The following ANKRD6 variants were observed in gnomAD, a reference collection of about 807,000 sequenced individuals.
ANKRD6 encodes the protein ankyrin repeat domain 6.
A neutral mutation model predicts 82.3 loss-of-function variants in ANKRD6; 56 were observed. The ratio of observed to expected loss-of-function variants is 0.68; its 90% CI spans 0.55 to 0.85. ANKRD6 has a LOEUF of 0.85. ANKRD6 is among the 40% of genes least tolerant of loss of function. ANKRD6 has a pLI of 0.00. For synonymous variants in ANKRD6, 347 were observed against 352.1 expected (o/e 0.99, Z 0.16); for missense variants, 852 against 907.6 (o/e 0.94, Z 0.79).
At chr6:89,569,331 A>G (rs1432667818) in intron 2 of ANKRD6, among the ~76,000 whole-genome samples, 1 of 152,216 alleles carries the variant, frequency 6.6e-6, no homozygotes, top group East Asian at 1.9e-4. Flanking sequence ...CATTTTATGT[A>G]AATAGAATCA....
chr6:89,490,532 G>T (rs1285883739), intron 1 of ANKRD6, among the ~76,000 whole-genome samples: 1 of 152,252 alleles, frequency 6.6e-6, no homozygotes, highest in Non-Finnish European at 1.5e-5. Context: ...CATGGGCCCT[G>T]CCCTGGAGAT....
At chr6:89,440,745 T>C (rs1771269613) in intron 1 of ANKRD6, among the ~76,000 whole-genome samples, 1 of 151,600 alleles carries the variant, frequency 6.6e-6, no homozygotes, top group African/African-American at 2.4e-5. Context: ...CAGTGCAATA[T>C]GATCATGCCT....
At chr6:89,533,116 C>A (rs1037084839) in intron 1 of ANKRD6, among the ~76,000 whole-genome samples, 2 of 152,074 alleles carry the variant, frequency 1.3e-5, no homozygotes, top group African/African-American at 4.8e-5. Context: ...ACCTCGTGAT[C>A]CACCTCCCTC....
At chr6:89,528,261 C>T (rs1031177166) in intron 1 of ANKRD6, among the ~76,000 whole-genome samples, 2 of 152,208 alleles carry the variant, frequency 1.3e-5, no homozygotes, top group Admixed American at 1.3e-4. Context: ...TTCTCAAATC[C>T]TATTGCTGCC....
intron 1 of ANKRD6, among the ~76,000 whole-genome samples, chr6:89,493,719 C>G (rs1274277517): frequency 6.6e-6 from 1 of 152,128 alleles, no homozygotes; most frequent in African/African-American, 2.4e-5. Flanking sequence ...CCCAGCCTGT[C>G]TGTCTCTTAT....
chr6:89,519,889 A>G (rs1314998085), intron 1 of ANKRD6, among the ~76,000 whole-genome samples: 2 of 152,244 alleles, frequency 1.3e-5, no homozygotes, highest in Non-Finnish European at 2.9e-5. Flanking sequence ...TCTTCGGATC[A>G]TAGCATAGTG....
intron 1 of ANKRD6, among the ~76,000 whole-genome samples, chr6:89,462,747 T>C (rs1042941703): frequency 6.6e-6 from 1 of 152,132 alleles, no homozygotes; most frequent in African/African-American, 2.4e-5. Flanking sequence ...TAACAGACTT[T>C]CTGTTTTAAC....
At chr6:89,576,060 T>TC (rs1791044363) in intron 2 of ANKRD6, among the ~76,000 whole-genome samples, 1 of 151,986 alleles carries the variant, frequency 6.6e-6, no homozygotes, top group African/African-American at 2.4e-5. Context: ...TTTCTTTCTT[T>TC]TTTTTTTTTG....
At position 89,616,594 on chromosome 6, in the gene ANKRD6, A is replaced by G. The variant is rs1801645987; in HGVS notation, c.651A>G (p.Leu217=). Residue 217 remains leucine (L), a synonymous_variant, in exon 8 of 16, where the codon CTA becomes CTG. Transcript: ENST00000339746. Reference sequence around the variant, plus strand: ...CAGCACTTCACGTTGCTGCTGCCCTAAATCACAAGAAGGTGGCCAAAATCT... The same window carrying G: ...CAGCACTTCACGTTGCTGCTGCCCTGAATCACAAGAAGGTGGCCAAAATCT... ...GDTALHVAAA[L]NHKKVAKILL... is the part of the protein sequence containing the mutation. 4.3e-6 allele frequency: 7 copies of G among 1,613,950 alleles called. No homozygotes were observed. Among genetic ancestry groups the G allele is most frequent in the South Asian group, 1.1e-5 (1 of 91,086 alleles).
chr6:89,518,762 G>A (rs545906020), intron 1 of ANKRD6, among the ~76,000 whole-genome samples: 5 of 152,316 alleles, frequency 3.3e-5, no homozygotes, highest in Admixed American at 3.3e-4. Flanking sequence ...CAAGCCAGGG[G>A]CACTGATCTT....
intron 14 of ANKRD6, among the ~76,000 whole-genome samples, chr6:89,628,001 A>G (rs1034655106): frequency 2.0e-5 from 3 of 152,228 alleles, no homozygotes; most frequent in Non-Finnish European, 2.9e-5. Context: ...AGAACAAGAC[A>G]TAGTTTCTAC....
At chr6:89,573,140 C>G (rs1790321338) in intron 2 of ANKRD6, among the ~76,000 whole-genome samples, 1 of 152,130 alleles carries the variant, frequency 6.6e-6, no homozygotes, top group South Asian at 2.1e-4. Flanking sequence ...TAATAATGAG[C>G]AACTTCCTGG....
intron 3 of ANKRD6, among the ~76,000 whole-genome samples, chr6:89,599,162 C>T (rs76094854): frequency 0.014 from 2,202 of 152,224 alleles, 56 homozygotes; most frequent in African/African-American, 0.05. Flanking sequence ...TGCTTGAACC[C>T]AGGAGTTGGA....
intron 2 of ANKRD6, among the ~76,000 whole-genome samples, chr6:89,582,841 A>C (rs542117917): frequency 5.9e-5 from 9 of 152,158 alleles, no homozygotes; most frequent in Non-Finnish European, 5.9e-5. Context: ...TACCTCAAGG[A>C]TATGTGGTGA....
intron 2 of ANKRD6, among the ~76,000 whole-genome samples, chr6:89,579,004 T>C (rs1253614875): frequency 6.6e-6 from 1 of 152,148 alleles, no homozygotes; most frequent in East Asian, 1.9e-4. Flanking sequence ...GTCTGCAGGG[T>C]GGCCCAAAGG....
At chr6:89,609,136 A>G (rs1414693261) in intron 5 of ANKRD6, among the ~76,000 whole-genome samples, 1 of 152,088 alleles carries the variant, frequency 6.6e-6, no homozygotes, top group Non-Finnish European at 1.5e-5. Context: ...TTCCTAGTTC[A>G]TATTTTTCAT....
intron 1 of ANKRD6, among the ~76,000 whole-genome samples, chr6:89,516,196 T>C (rs1437637977): frequency 6.6e-6 from 1 of 152,184 alleles, no homozygotes; most frequent in Non-Finnish European, 1.5e-5. Context: ...CTGGATAGAC[T>C]GAGTAGAGCA....
chr6:89,575,615 G>A (rs1450916995), intron 2 of ANKRD6, among the ~76,000 whole-genome samples: 5 of 152,084 alleles, frequency 3.3e-5, no homozygotes, highest in Admixed American at 2.0e-4. Flanking sequence ...AAAAATAAGC[G>A]ATTTCCCAAT....
rs1807499761 is a variant in ANKRD6 at position 89,632,022 on chromosome 6, C to T, written c.*1018C>T. ...GGAGGCCAGAAGACTTTACTTTGTT[C>T]CATAATGAAATATAAACACAGAACA... On this transcript the variant is annotated 3_prime_UTR_variant, in exon 16 of 16. Transcript: ENST00000339746. The T allele has an allele frequency of 6.6e-6, 1 of 152,156 alleles. No homozygotes were observed. Among genetic ancestry groups the T allele is most frequent in the Non-Finnish European group, 1.5e-5 (1 of 68,022 alleles). 9.4% of individuals were successfully genotyped at this position (152,156 alleles called of 1,614,324 possible).
Sources: allele counts gnomAD v4.1 joint callset (sites outside exome capture counted in the v4.1 genomes callset), GRCh38; gene constraint gnomAD v4.1.1; transcripts MANE v1.5; gene names NCBI Gene and HGNC (gene_info 2026-07-23, HGNC 2026-07-21).